The following DOP1B variants were observed in gnomAD, a reference collection of about 807,000 sequenced individuals.
The protein encoded by DOP1B is DOP1 leucine zipper like protein B, also known as protein DOP1B.
A neutral mutation model predicts 233.5 loss-of-function variants in DOP1B; 174 were observed. That is an observed-to-expected ratio of 0.75 (90% confidence interval 0.66 to 0.85). The LOEUF is 0.85. DOP1B is among the 40% of genes least tolerant of loss of function. The pLI is 0.00. For synonymous variants in DOP1B, 1,190 were observed against 1,185.6 expected (o/e 1.00, Z -0.08); for missense variants, 2,652 against 2,846.6 (o/e 0.93, Z 1.56).
chr21:36,169,721 C>T, intron 2 of DOP1B: 2 of 990,786 alleles, frequency 2.0e-6, no homozygotes. Context: ...GCAGTGCTTC[C>T]TCATGCTGCT....
At chr21:36,281,273 G>A (rs1355394281) in intron 31 of DOP1B, among the ~76,000 whole-genome samples, 2 of 152,196 alleles carry the variant, frequency 1.3e-5, no homozygotes, top group Non-Finnish European at 1.5e-5. Flanking sequence ...TCCAGGCTGG[G>A]TGATAGAATG....
intron 13 of DOP1B, 151 bp downstream of exon 13, chr21:36,228,028 TTAAA>T: frequency 1.2e-6 from 1 of 817,616 alleles, no homozygotes; most frequent in Non-Finnish European, 1.8e-6. Context: ...AACCCTCACT[TTAAA>T]AGGTTTTAGC....
chr21:36,228,330 G>A (rs2066716780), intron 13 of DOP1B, among the ~76,000 whole-genome samples: 2 of 152,080 alleles, frequency 1.3e-5, no homozygotes, highest in South Asian at 4.1e-4. Context: ...AGGCATGGTG[G>A]CACATGCCTG....
At chr21:36,279,283 G>A (rs376136090) in intron 30 of DOP1B, among the ~76,000 whole-genome samples, 4 of 151,890 alleles carry the variant, frequency 2.6e-5, no homozygotes, top group African/African-American at 9.7e-5. Flanking sequence ...CCAGGCATGC[G>A]GGCATATGCC....
intron 36 of DOP1B, among the ~76,000 whole-genome samples, 200 bp from the exon 37 acceptor site, chr21:36,293,120 C>T (rs574902007): frequency 1.8e-4 from 28 of 151,468 alleles, no homozygotes; most frequent in Admixed American, 1.6e-3. Flanking sequence ...GCAAGAGAAT[C>T]GCTTGAACCC....
chr21:36,165,928 G>T (rs924863558), intron 2 of DOP1B, among the ~76,000 whole-genome samples: 1 of 151,094 alleles, frequency 6.6e-6, no homozygotes, highest in Non-Finnish European at 1.5e-5. Flanking sequence ...TGTTGGCCAG[G>T]CTGGTCTCGA....
chr21:36,165,559 A>G (rs1311749093), intron 2 of DOP1B, among the ~76,000 whole-genome samples: 1 of 152,058 alleles, frequency 6.6e-6, no homozygotes, highest in Non-Finnish European at 1.5e-5. Flanking sequence ...CCTATTAGGA[A>G]CCGGGACGCA....
At chr21:36,238,766 A>C in intron 17 of DOP1B, 65 bp downstream of exon 17, 2 of 1,491,516 alleles carry the variant, frequency 1.3e-6, no homozygotes, top group Non-Finnish European at 1.9e-6. Context: ...GTGCCTGCCC[A>C]ACGTGTGGGG....
At chr21:36,279,285 G>A (rs1002162684) in intron 30 of DOP1B, among the ~76,000 whole-genome samples, 1 of 152,058 alleles carries the variant, frequency 6.6e-6, no homozygotes, top group Non-Finnish European at 1.5e-5. Flanking sequence ...AGGCATGCGG[G>A]CATATGCCTG....
At chr21:36,190,597 CA>C (rs1300532538) in intron 2 of DOP1B, among the ~76,000 whole-genome samples, 4 of 152,036 alleles carry the variant, frequency 2.6e-5, no homozygotes, top group Non-Finnish European at 5.9e-5. Context: ...AGGGTTTCGC[CA>C]TGTTGCCCAG....
Position 36,245,493 on chromosome 21 carries a change from G to A in DOP1B, c.3513G>A (p.Lys1171=). The change falls in exon 19 of 37, where the codon AAG becomes AAA. Residue 1171 remains lysine (K), a synonymous_variant. Coordinates refer to ENST00000691173, the MANE Select transcript of DOP1B (RefSeq NM_001320714.2). This position sits in a 1 kb window ranked among gnomAD's most constrained non-coding sequence, Gnocchi z 5.5. Reference sequence around the variant, plus strand: ...CGGCCTTCCAGTCAGAAAGCTTCAAGGCTGGGGCCAAGTTAAGCCTGGTGC... The same window carrying A: ...CGGCCTTCCAGTCAGAAAGCTTCAAAGCTGGGGCCAAGTTAAGCCTGGTGC... ...LLAAFQSESF[K]AGAKLSLVRV... is the part of the protein sequence containing the mutation. 1 of 1,613,758 alleles carries A rather than the reference G, an allele frequency of 6.2e-7. No homozygotes were observed. Among genetic ancestry groups the A allele is most frequent in the Non-Finnish European group, 8.5e-7 (1 of 1,180,034 alleles).
At chr21:36,241,693 C>CTTTTTTTTTTTTTTTTT (rs58454212) in intron 18 of DOP1B, among the ~76,000 whole-genome samples, 1 of 105,550 alleles carries the variant, frequency 9.5e-6, no homozygotes, top group African/African-American at 3.7e-5. Context: ...TTCTTTCTTT[C>CTTTTTTTTTTTTTTTTT]TTTTTTTTTT....
At chr21:36,209,147 A>C (rs777023844) in intron 5 of DOP1B, among the ~76,000 whole-genome samples, 1 of 152,140 alleles carries the variant, frequency 6.6e-6, no homozygotes, top group Non-Finnish European at 1.5e-5. Context: ...TTTGAGACGG[A>C]GTCTCGCTCT....
intron 2 of DOP1B, among the ~76,000 whole-genome samples, chr21:36,179,401 G>A (rs1373420635): frequency 6.6e-6 from 1 of 152,212 alleles, no homozygotes; most frequent in Non-Finnish European, 1.5e-5. Context: ...TAATGAGAGT[G>A]TAATACTCTC....
intron 35 of DOP1B, among the ~76,000 whole-genome samples, chr21:36,289,599 C>T (rs767056101): frequency 1.2e-4 from 18 of 152,192 alleles, no homozygotes; most frequent in East Asian, 1.9e-4. Flanking sequence ...CTGCCATCTC[C>T]GATTCACTTT....
rs890963280 is a variant in DOP1B at position 36,214,217 on chromosome 21, G to A, written c.1014+27G>A. ...TAAAGGAGCATTTCCGGAAAGTTCA[G>A]GGTATCCTTGGTGACGATTCTCCAG... On this transcript the variant is annotated intron_variant, in intron 8 of 36. Coordinates refer to ENST00000691173, the MANE Select transcript of DOP1B (RefSeq NM_001320714.2). 2.6e-6 allele frequency: 4 copies of A among 1,567,682 alleles called. No homozygotes were observed. The African/African-American group carries it at 4.1e-5, about 16-fold the overall frequency.
rs563302270 is a variant in DOP1B at position 36,251,791 on chromosome 21, G to T, written c.5121+507G>T. ...TACAAGTAGAATGTGTATTGGGCAG[G>T]TAGGGAAGAGCGCACCTGACTTCTG... is the stretch of plus-strand genomic sequence containing the variant. On this transcript the variant is annotated intron_variant, in intron 22 of 36. Coordinates refer to ENST00000691173, the MANE Select transcript of DOP1B (RefSeq NM_001320714.2). 2.0e-5 allele frequency among the ~76,000 whole-genome samples: 3 copies of T among 152,348 alleles called. No homozygotes were observed. In the South Asian group the frequency reaches 6.2e-4, roughly 32 times the overall value.
intron 2 of DOP1B, among the ~76,000 whole-genome samples, chr21:36,167,299 A>T (rs1273128608): frequency 3.9e-5 from 6 of 152,090 alleles, no homozygotes; most frequent in African/African-American, 1.4e-4. Flanking sequence ...CAGCCTCCTG[A>T]GTAGCTGAGA....
chr21:36,223,464 T>C (rs2066649106), intron 11 of DOP1B, 114 bp downstream of exon 11: 1 of 1,364,510 alleles, frequency 7.3e-7, no homozygotes. Context: ...GAGTAGTCTT[T>C]CCTGAGTTTT....
Sources: gnomAD v4.1 joint callset for allele counts (sites outside exome capture counted in the v4.1 genomes callset) on GRCh38, gnomAD v4.1.1 for gene constraint, Gnocchi (gnomAD v3.1) non-coding constraint, MANE v1.5 for transcripts, NCBI Gene and HGNC (gene_info 2026-07-23, HGNC 2026-07-21) for gene names.